The following HCRTR2 variants were observed in gnomAD, a reference collection of about 807,000 sequenced individuals.
HCRTR2 encodes hypocretin receptor 2, also known as orexin receptor type 2.
A neutral mutation model predicts 49.0 loss-of-function variants in HCRTR2; 22 were observed. The ratio of observed to expected loss-of-function variants is 0.45; its 90% CI spans 0.32 to 0.64. The LOEUF is 0.64. HCRTR2 is among the 30% of genes least tolerant of loss of function. HCRTR2 has a pLI of 0.04. For missense variants in HCRTR2, 491 were observed against 559.4 expected (o/e 0.88, Z 1.23); for synonymous variants, 236 against 205.3 (o/e 1.15, Z -1.28).
chr6:55,144,664 T>G lies in HCRTR2; in HGVS notation c.-377-29547T>G, dbSNP rs551750140. On this transcript the variant is annotated intron_variant, in intron 1 of 7. Transcript: ENST00000615358. ...CTCGCATGCGCAGTTCACAATAGGT[T>G]CACGCTCCTGTGATAATCTGCTCCC... 2.6e-5 allele frequency among the ~76,000 whole-genome samples: 4 copies of G among 152,246 alleles called. No individual in the cohort carries two copies. The South Asian group carries it at 6.2e-4, about 24-fold the overall frequency.
chr6:55,267,127 C>T (rs1046727427), intron 4 of HCRTR2, among the ~76,000 whole-genome samples: 1 of 152,102 alleles, frequency 6.6e-6, no homozygotes. Flanking sequence ...TCTGCTTGAG[C>T]AACTCTCAAT....
chr6:55,164,790 A>G (rs1044237004), intron 1 of HCRTR2, among the ~76,000 whole-genome samples: 4 of 152,076 alleles, frequency 2.6e-5, no homozygotes, highest in African/African-American at 9.7e-5. Flanking sequence ...AAGACCATTT[A>G]TGAAAACATG....
chr6:55,198,636 G>A (rs913018055), intron 1 of HCRTR2, among the ~76,000 whole-genome samples: 2 of 152,114 alleles, frequency 1.3e-5, no homozygotes, highest in African/African-American at 4.8e-5. Context: ...AGAAAATAGT[G>A]GTGTGGAATC....
chr6:55,269,627 T>C (rs111288971), intron 4 of HCRTR2, among the ~76,000 whole-genome samples: 2,284 of 152,284 alleles, frequency 0.015, 57 homozygotes, highest in African/African-American at 0.052. Context: ...TCAAAATTAA[T>C]CAAATACCTA....
chr6:55,283,879 G>A (rs183361175), downstream of HCRTR2, among the ~76,000 whole-genome samples: 329 of 152,212 alleles, frequency 2.2e-3, 3 homozygotes, highest in Non-Finnish European at 1.4e-3. Context: ...TGGAATTTGG[G>A]ATTCTGTTAC....
chr6:55,114,350 C>T lies in HCRTR2; in HGVS notation c.-378+7805C>T, dbSNP rs141151307. ...ACACACAAAACAACACAAAATAGAACAAACAACTACCTATGTGAGCTACTT... is the reference window on the plus strand; with the variant it reads ...ACACACAAAACAACACAAAATAGAATAAACAACTACCTATGTGAGCTACTT... On this transcript the variant is annotated intron_variant, in intron 1 of 7. Transcript: ENST00000615358. Among the ~76,000 whole-genome samples, 4 of 151,688 alleles carry T rather than the reference C, an allele frequency of 2.6e-5. No homozygotes were observed. In the East Asian group the frequency reaches 5.8e-4, roughly 22 times the overall value.
intron 1 of HCRTR2, among the ~76,000 whole-genome samples, chr6:55,153,512 G>A (rs1396128933): frequency 1.3e-5 from 2 of 151,932 alleles, no homozygotes; most frequent in Non-Finnish European, 2.9e-5. Context: ...ATACTCTCAT[G>A]GAACCATCAT....
intron 5 of HCRTR2, among the ~76,000 whole-genome samples, chr6:55,278,417 A>G (rs570714780): frequency 1.3e-4 from 20 of 152,292 alleles, no homozygotes; most frequent in African/African-American, 4.8e-4. Context: ...GGCCTGATTC[A>G]GAATCAATAT....
At chr6:55,232,138 A>C (rs938198700) in intron 1 of HCRTR2, among the ~76,000 whole-genome samples, 1 of 152,172 alleles carries the variant, frequency 6.6e-6, no homozygotes, top group Non-Finnish European at 1.5e-5. Context: ...AATACTTAAT[A>C]GTTGCCTCAA....
In HCRTR2 at chr6:55,192,570, C is replaced by A. The variant is rs1765338373; in HGVS notation, c.223+17760C>A. Reference sequence around the variant, plus strand: ...CACCACTGCACTGCAGCCTGGGTGACAAAAAGAAAGTCATTATCTTCAACA... The same window carrying A: ...CACCACTGCACTGCAGCCTGGGTGAAAAAAAGAAAGTCATTATCTTCAACA... On this transcript the variant is annotated intron_variant, in intron 1 of 6. Transcript: ENST00000370862. Among the ~76,000 whole-genome samples the A allele has an allele frequency of 2.6e-5, 4 of 152,072 alleles. No individual in the cohort carries two copies. The South Asian group carries it at 8.3e-4, about 32-fold the overall frequency.
chr6:55,179,385 A>AG (rs1765093824), intron 1 of HCRTR2, among the ~76,000 whole-genome samples: 3 of 152,200 alleles, frequency 2.0e-5, no homozygotes, highest in Non-Finnish European at 4.4e-5. Context: ...CCTATTGTGC[A>AG]TTTTAGTTTT....
At position 55,276,878 on chromosome 6, in the gene HCRTR2, G is replaced by C. The variant is rs77272321; in HGVS notation, c.763-502G>C. Among the ~76,000 whole-genome samples the C allele has an allele frequency of 8.8e-4, 134 of 152,228 alleles. 1 individual carries two copies. The East Asian group carries it at 0.024, about 27-fold the overall frequency. On this transcript the variant is annotated intron_variant, in intron 4 of 6. Coordinates refer to ENST00000370862, the MANE Select transcript of HCRTR2 (RefSeq NM_001384272.1). The stretch of plus-strand genomic sequence containing the variant: ...TTTCATTCAAAGGTTTGCTTTGTCC[G>C]AACTCGAGAAGCAGAAAACCTGAAA...
intron 4 of HCRTR2, among the ~76,000 whole-genome samples, chr6:55,268,544 A>T (rs1910123): frequency 0.44 from 67,080 of 151,906 alleles, 15,850 homozygotes; most frequent in South Asian, 0.57. Flanking sequence ...TAAAATAATC[A>T]CAAAAAGGGA....
intron 1 of HCRTR2, among the ~76,000 whole-genome samples, chr6:55,114,793 G>A (rs1023953544): frequency 6.6e-6 from 1 of 151,724 alleles, no homozygotes; most frequent in Non-Finnish European, 1.5e-5. Flanking sequence ...AGCATTATTT[G>A]AGCTGGTTAT....
At chr6:55,245,396 T>C (rs1256047161) in intron 1 of HCRTR2, among the ~76,000 whole-genome samples, 4 of 143,106 alleles carry the variant, frequency 2.8e-5, no homozygotes, top group African/African-American at 1.0e-4. Flanking sequence ...TGTATATATA[T>C]ATACACACAC....
At chr6:55,140,926 G>A (rs1352219020) in intron 1 of HCRTR2, among the ~76,000 whole-genome samples, 2 of 152,150 alleles carry the variant, frequency 1.3e-5, no homozygotes, top group Non-Finnish European at 1.5e-5. Flanking sequence ...TCGGAAGCTG[G>A]TTGTGCCTGA....
chr6:55,179,041 T>G (rs1294381453), intron 1 of HCRTR2, among the ~76,000 whole-genome samples: 1 of 152,206 alleles, frequency 6.6e-6, no homozygotes, highest in African/African-American at 2.4e-5. Context: ...GTAATTTACC[T>G]AATAACAGTT....
At chr6:55,172,119 AC>A (rs1764959337), upstream of HCRTR2, among the ~76,000 whole-genome samples, 2 of 152,198 alleles carry the variant, frequency 1.3e-5, no homozygotes, top group Non-Finnish European at 2.9e-5. Flanking sequence ...ACTGGTGACA[AC>A]AGGTCTGGAG....
At position 55,248,806 on chromosome 6, in the gene HCRTR2, C is replaced by T; in HGVS notation, c.391C>T (p.Pro131Ser). 1 of 1,612,746 alleles carries T rather than the reference C, an allele frequency of 6.2e-7. No homozygotes were observed. Among genetic ancestry groups the T allele is most frequent in the South Asian group, 1.1e-5 (1 of 91,054 alleles). ...TGGACAGTCCCTTTGCAAAGTGATT[C>T]CTTATCTACAGGTAATTGTTTTTAA... ...FFGQSLCKVI[P>S]YLQTVSVSVS... The change falls in exon 2 of 7, where the codon CCT becomes TCT. Residue 131 changes from proline (P) to serine (S), a missense_variant. Transcript: ENST00000370862.
Sources: allele counts gnomAD v4.1 joint callset (sites outside exome capture counted in the v4.1 genomes callset), GRCh38; gene constraint gnomAD v4.1.1; transcripts MANE v1.5; gene names NCBI Gene and HGNC (gene_info 2026-07-23, HGNC 2026-07-21).